Variants in NRXN1 observed in about 807,000 individuals in gnomAD.
NRXN1 encodes the protein neurexin 1.
NRXN1 carries 39 observed loss-of-function variants against 150.9 expected under a neutral mutation model. The ratio of observed to expected loss-of-function variants is 0.26; its 90% CI spans 0.20 to 0.34. The LOEUF (loss-of-function observed/expected upper bound fraction) is 0.34, where lower values mean the gene tolerates loss of function less well. Among genes scored for constraint, NRXN1 ranks in the 10% least tolerant of loss-of-function variants. The probability of loss-of-function intolerance (pLI) is 1.00; values close to 1 mark genes in which losing one functional copy is unlikely to be tolerated. For synonymous variants in NRXN1, 924 were observed against 757.0 expected, an observed-to-expected ratio of 1.22 and a Z score of -3.62; for missense variants, 1,815 against 1,949.9, an observed-to-expected ratio of 0.93 and a Z score of 1.30.
intron 5 of NRXN1, among the ~76,000 whole-genome samples, chr2:50,741,496 A>G (rs954735075): frequency 3.3e-5 from 5 of 152,302 alleles, no homozygotes; most frequent in South Asian, 4.1e-4. Context: ...CAGAATGTAT[A>G]TAATTTATTT....
rs568889673 is a variant in NRXN1, at chr2:49,965,559, C to T, written c.4129-21768G>A. On this transcript the variant is annotated intron_variant, in intron 21 of 22. Transcript: ENST00000401669. Reference sequence around the variant, plus strand: ...CTGGGATTACAGGTGTGAGCCACTGCGCCCAGCCTAGGTTTTTATATATAA... The same window carrying T: ...CTGGGATTACAGGTGTGAGCCACTGTGCCCAGCCTAGGTTTTTATATATAA... Among the ~76,000 whole-genome samples the T allele has an allele frequency of 5.0e-4, 76 of 152,088 alleles. 1 individual carries two copies. In the South Asian group the frequency reaches 9.5e-3, roughly 19 times the overall value.
intron 19 of NRXN1, among the ~76,000 whole-genome samples, chr2:50,062,420 A>C (rs1694684787): frequency 6.6e-6 from 1 of 152,190 alleles, no homozygotes; most frequent in Admixed American, 6.5e-5. Context: ...TGTACTTCCT[A>C]GTCTTCCGAA....
chr2:49,928,323 C>A (rs754012723), intron 22 of NRXN1, among the ~76,000 whole-genome samples: 4 of 151,490 alleles, frequency 2.6e-5, no homozygotes, highest in Non-Finnish European at 5.9e-5. Context: ...AGTTTCTGAC[C>A]AGTCTTTCTG....
At chr2:50,139,133 C>T (rs1379936546) in intron 18 of NRXN1, among the ~76,000 whole-genome samples, 4 of 152,026 alleles carry the variant, frequency 2.6e-5, no homozygotes, top group Non-Finnish European at 5.9e-5. Context: ...TGAGACTAGC[C>T]TAACCAACAT....
At chr2:50,170,132 T>C (rs2152799953) in intron 18 of NRXN1, among the ~76,000 whole-genome samples, 1 of 150,736 alleles carries the variant, frequency 6.6e-6, no homozygotes, top group Admixed American at 6.6e-5. Flanking sequence ...CGTCATATTA[T>C]AGATAATATC....
At chr2:50,556,837 C>T (rs1668330679) in intron 8 of NRXN1, among the ~76,000 whole-genome samples, 1 of 152,108 alleles carries the variant, frequency 6.6e-6, no homozygotes, top group Non-Finnish European at 1.5e-5. Context: ...AGTCCCTAAC[C>T]TCTCTCTGTC....
In NRXN1 at chr2:50,472,359, C is replaced by T. The variant is rs2089564132; in HGVS notation, c.3183G>A (p.Arg1061=). Reference sequence around the variant, plus strand: ...GAGCATCGGAGATGAGGTCCGGAAGCCGTCCATTTAAATCAACTGATGCCA... The same window carrying T: ...GAGCATCGGAGATGAGGTCCGGAAGTCGTCCATTTAAATCAACTGATGCCA... ...GCLASVDLNG[R]LPDLISDALF... Residue 1061 remains arginine, a synonymous_variant, in exon 16 of 23, where the codon CGG becomes CGA. Transcript: ENST00000401669. 1 of 1,611,838 alleles carries T rather than the reference C, an allele frequency of 6.2e-7. No homozygotes were observed.
At chr2:50,533,731 T>A (rs1220008038) in intron 10 of NRXN1, among the ~76,000 whole-genome samples, 1 of 152,156 alleles carries the variant, frequency 6.6e-6, no homozygotes, top group East Asian at 1.9e-4. Context: ...CGCTTCTTGT[T>A]CAGTGAGCTC....
intron 17 of NRXN1, among the ~76,000 whole-genome samples, chr2:50,333,575 G>A (rs998809912): frequency 1.1e-4 from 16 of 151,986 alleles, no homozygotes; most frequent in Non-Finnish European, 8.8e-5. Flanking sequence ...CTGGAAAATG[G>A]AAAAGAGATG....
intron 17 of NRXN1, among the ~76,000 whole-genome samples, chr2:50,382,386 T>C (rs2081034622): frequency 6.6e-6 from 1 of 152,222 alleles, no homozygotes; most frequent in South Asian, 2.1e-4. Flanking sequence ...ACATTGACAA[T>C]CTCTGATAAT....
intron 17 of NRXN1, among the ~76,000 whole-genome samples, chr2:50,283,255 T>C (rs2071694413): frequency 6.6e-6 from 1 of 152,214 alleles, no homozygotes; most frequent in African/African-American, 2.4e-5. Context: ...TATTCTGTTA[T>C]TAGCCTCCAA....
intron 5 of NRXN1, among the ~76,000 whole-genome samples, chr2:50,897,819 T>G (rs921846003): frequency 6.6e-6 from 1 of 152,216 alleles, no homozygotes; most frequent in Non-Finnish European, 1.5e-5. Context: ...TTCTGTATCT[T>G]GGTTGCAGCA....
At chr2:50,907,475 T>C (rs886764490) in intron 5 of NRXN1, among the ~76,000 whole-genome samples, 2 of 152,092 alleles carry the variant, frequency 1.3e-5, no homozygotes, top group African/African-American at 2.4e-5. Flanking sequence ...GAGAAAAAGA[T>C]GCCCTTATTC....
chr2:50,981,376 T>C (rs2104886283), intron 2 of NRXN1, among the ~76,000 whole-genome samples: 2 of 138,490 alleles, frequency 1.4e-5, no homozygotes, highest in African/African-American at 5.5e-5. Flanking sequence ...GAGAGTTACT[T>C]GAACGCAGGA....
At chr2:50,886,604 C>G (rs10490172) in intron 5 of NRXN1, among the ~76,000 whole-genome samples, 77,252 of 151,056 alleles carry the variant, frequency 0.51, 21,447 homozygotes, top group Non-Finnish European at 0.64. Flanking sequence ...TTGCTGCTTA[C>G]AAACAAATTC....
At chr2:50,758,105 C>G (rs993152988) in intron 5 of NRXN1, 1 of 151,688 alleles carries the variant, frequency 6.6e-6, no homozygotes, top group Non-Finnish European at 1.5e-5. Context: ...TAGTGAAGTC[C>G]TTCCTTATCC....
At chr2:50,276,350 C>T (rs2070466312) in intron 17 of NRXN1, among the ~76,000 whole-genome samples, 1 of 152,124 alleles carries the variant, frequency 6.6e-6, no homozygotes, top group South Asian at 2.1e-4. Context: ...GAACATGATA[C>T]AAGTATGTTT....
intron 5 of NRXN1, chr2:50,632,700 T>C (rs1682554531): frequency 6.6e-6 from 1 of 152,062 alleles, no homozygotes. Flanking sequence ...CTCTTGTATC[T>C]GAAATAAGTA....
At chr2:50,706,591 A>T (rs1694477160) in intron 5 of NRXN1, among the ~76,000 whole-genome samples, 1 of 152,172 alleles carries the variant, frequency 6.6e-6, no homozygotes, top group African/African-American at 2.4e-5. Flanking sequence ...AATAAAGTAG[A>T]CACTAGCTGT....
Sources: gnomAD v4.1 joint callset for allele counts (sites outside exome capture counted in the v4.1 genomes callset) on GRCh38, gnomAD v4.1.1 for gene constraint, MANE v1.5 for transcripts, NCBI Gene and HGNC (gene_info 2026-07-23, HGNC 2026-07-21) for gene names.